RASSF6: variants seen among roughly 807,000 people sequenced by gnomAD.
The protein encoded by RASSF6 is Ras association domain family member 6.
Under a neutral mutation model 44.0 loss-of-function variants are expected in RASSF6, and 52 were observed. That is an observed-to-expected ratio of 1.18 (90% CI 0.95 to 1.49). RASSF6 has a LOEUF of 1.49. RASSF6 is among the 40% of genes most tolerant of loss of function. The pLI is 0.00. For missense variants in RASSF6, 464 were observed against 393.3 expected (o/e 1.18, Z -1.52); for synonymous variants, 162 against 124.6 (o/e 1.30, Z -2.00).
In RASSF6 at chr4:73,571,827, A is replaced by G. The variant is rs924011604; in HGVS notation, c.*4408T>C. ...AAAATTTAATTTGAGCTAATATATA[A>G]CTGACAATGAAATATTTGGACCACC... On this transcript the variant is annotated 3_prime_UTR_variant, in exon 11 of 11. Coordinates refer to ENST00000307439, the MANE Select transcript of RASSF6 (RefSeq NM_177532.5). 4 of 152,142 alleles carry G rather than the reference A, an allele frequency of 2.6e-5. No individual in the cohort carries two copies. The highest frequency in any genetic ancestry group is 9.6e-5 in the African/African-American group (4 of 41,454). 9.4% of individuals were successfully genotyped at this position (152,142 alleles called of 1,614,324 possible).
Position 73,571,991 on chromosome 4 carries a change from G to C in RASSF6, c.*4244C>G, listed in dbSNP as rs181813279. ...AACAAATTGCCCCAAATTTAGCGGC[G>C]TACTACAACAAACACTTCTTATCTC... On this transcript the variant is annotated 3_prime_UTR_variant, in exon 11 of 11. Transcript: ENST00000307439. 5 of 152,178 alleles carry C rather than the reference G, an allele frequency of 3.3e-5. No homozygotes were observed. In the East Asian group the frequency reaches 9.6e-4, roughly 29 times the overall value. 9.4% of individuals were successfully genotyped at this position (152,178 alleles called of 1,614,324 possible).
chr4:73,615,942 A>G, intron 1 of RASSF6: 2 of 1,549,866 alleles, frequency 1.3e-6, no homozygotes, highest in Non-Finnish European at 1.7e-6. Context: ...GAATTCTAGT[A>G]CAAATTAAAT....
At chr4:73,608,230 C>G (rs1198262911) in intron 2 of RASSF6, among the ~76,000 whole-genome samples, 1 of 151,620 alleles carries the variant, frequency 6.6e-6, no homozygotes, top group Non-Finnish European at 1.5e-5. Context: ...ATTGGATTTT[C>G]TCTGAGAACA....
chr4:73,571,906 A>G lies in RASSF6; in HGVS notation c.*4329T>C, dbSNP rs1034752074. On this transcript the variant is annotated 3_prime_UTR_variant, in exon 11 of 11. Transcript: ENST00000307439. Reference sequence around the variant, plus strand: ...AGTTTATATTCTTGCATTATGCAAAAATGATTCGAAAATAAACTATTTTTT... The same window carrying G: ...AGTTTATATTCTTGCATTATGCAAAGATGATTCGAAAATAAACTATTTTTT... The G allele has an allele frequency of 3.3e-5, 5 of 152,308 alleles. No individual in the cohort carries two copies. The highest frequency in any genetic ancestry group is 1.2e-4 in the African/African-American group (5 of 41,572). The allele number at this position is 152,308 out of a possible 1,614,324, so 9.4% of individuals were successfully genotyped here. A position where few individuals can be genotyped will look rare whatever the true frequency, so the allele number is the denominator to read the frequency against.
rs1723146944 is a variant in RASSF6, at chr4:73,575,437, A to G, written c.*798T>C. 1 of 152,180 alleles carries G rather than the reference A, an allele frequency of 6.6e-6. No homozygotes were observed. The allele number at this position is 152,180 out of a possible 1,614,324, so 9.4% of individuals were successfully genotyped here. On this transcript the variant is annotated 3_prime_UTR_variant, in exon 11 of 11. Transcript: ENST00000307439. ...CAGCCTTGCTTTATCCATTGTATTC[A>G]TTCAGCAACAAATAGGTATTTGTGG... is the stretch of plus-strand genomic sequence containing the variant.
In RASSF6 at chr4:73,573,678, T is replaced by C. The variant is rs1314366018; in HGVS notation, c.*2557A>G. On this transcript the variant is annotated 3_prime_UTR_variant, in exon 11 of 11. Transcript: ENST00000307439. ...CCCCATCTCATGGTGATTTATTGAG[T>C]ATTTAATGTTATCATTTCTTAATCT... The C allele has an allele frequency of 6.6e-6, 1 of 152,206 alleles. No individual in the cohort carries two copies. The highest frequency in any genetic ancestry group is 1.5e-5 in the Non-Finnish European group (1 of 68,032). The allele number at this position is 152,206 out of a possible 1,614,324, so 9.4% of individuals were successfully genotyped here. A position where few individuals can be genotyped will look rare whatever the true frequency, so the allele number is the denominator to read the frequency against.
chr4:73,611,790 AGT>A lies in RASSF6; in HGVS notation c.4_5del (p.Thr2TyrfsTer13). The A allele has an allele frequency of 6.2e-7, 1 of 1,611,504 alleles. No individual in the cohort carries two copies. Among genetic ancestry groups the A allele is most frequent in the Non-Finnish European group, 8.5e-7 (1 of 1,178,056 alleles). On this transcript the variant is annotated frameshift_variant, in exon 2 of 11. Transcript: ENST00000307439. LOFTEE classifies it high-confidence loss of function. The part of the protein sequence containing the change: M[T>X]MMAHQYPSWI... ...AAGAGGGGTACTGGTGAGCCATCAT[AGT>A]CATCTTTTCCTCCTTTTTGAGATGG...
Position 73,572,548 on chromosome 4 carries a change from A to C in RASSF6, c.*3687T>G, listed in dbSNP as rs1383256726. 6.6e-6 allele frequency: 1 copy of C among 152,188 alleles called. No homozygotes were observed. Among genetic ancestry groups the C allele is most frequent in the Non-Finnish European group, 1.5e-5 (1 of 68,036 alleles). The allele number at this position is 152,188 out of a possible 1,614,324, so 9.4% of individuals were successfully genotyped here. On this transcript the variant is annotated 3_prime_UTR_variant, in exon 11 of 11. Coordinates refer to ENST00000307439, the MANE Select transcript of RASSF6 (RefSeq NM_177532.5). Reference sequence around the variant, plus strand: ...ATTATTTGTCAATTAAAAATAAAATAAAAAGACGTAAGTCACTAAGTCCAG... The same window carrying C: ...ATTATTTGTCAATTAAAAATAAAATCAAAAGACGTAAGTCACTAAGTCCAG...
intron 2 of RASSF6, among the ~76,000 whole-genome samples, chr4:73,602,292 T>C (rs1438390830): frequency 6.6e-6 from 1 of 152,132 alleles, no homozygotes; most frequent in Non-Finnish European, 1.5e-5. Context: ...AAAGATAGAT[T>C]TCAGTACGAG....
intron 2 of RASSF6, among the ~76,000 whole-genome samples, chr4:73,611,186 G>T (rs917863618): frequency 6.6e-6 from 1 of 152,088 alleles, no homozygotes. Context: ...CTCTGCTGTA[G>T]CTTGGCCAGT....
intron 2 of RASSF6, among the ~76,000 whole-genome samples, chr4:73,606,212 C>T (rs935809183): frequency 7.9e-5 from 12 of 152,206 alleles, no homozygotes; most frequent in African/African-American, 2.9e-4. Context: ...GGTACATAGA[C>T]ACCATGGAAT....
intron 2 of RASSF6, chr4:73,604,703 C>T (rs908205044): frequency 6.6e-6 from 1 of 152,004 alleles, no homozygotes; most frequent in Non-Finnish European, 1.5e-5. Context: ...TTTCATATGT[C>T]AGGTTCAAAA....
chr4:73,589,004 T>C (rs574186209), intron 4 of RASSF6, among the ~76,000 whole-genome samples: 98 of 152,254 alleles, frequency 6.4e-4, no homozygotes, highest in African/African-American at 2.2e-3. Context: ...CCGAATTTCA[T>C]TGGTGGCAAC....
chr4:73,613,739 G>C (rs1474462692), intron 1 of RASSF6, among the ~76,000 whole-genome samples: 1 of 152,044 alleles, frequency 6.6e-6, no homozygotes, highest in Non-Finnish European at 1.5e-5. Context: ...TGATGCTTTT[G>C]AGACAAACCA....
intron 8 of RASSF6, among the ~76,000 whole-genome samples, chr4:73,580,965 TG>T (rs1723593961): frequency 6.6e-6 from 1 of 151,354 alleles, no homozygotes; most frequent in African/African-American, 2.4e-5. Context: ...ATGTCCTGAA[TG>T]GTAATGCCTA....
At chr4:73,620,555 A>C (rs377418171), upstream of RASSF6, 1 of 1,302,000 alleles carries the variant, frequency 7.7e-7, no homozygotes, top group Non-Finnish European at 1.0e-6. Context: ...CTGGAGCCCC[A>C]GGAGCTGTTA....
chr4:73,596,550 C>T (rs6837506), intron 3 of RASSF6, among the ~76,000 whole-genome samples: 95,670 of 152,044 alleles, frequency 0.63, 31,461 homozygotes, highest in East Asian at 0.88. Flanking sequence ...GCAATACTGC[C>T]CAAAGCAATT....
chr4:73,595,756 T>C (rs946351539), intron 3 of RASSF6, among the ~76,000 whole-genome samples: 2 of 152,196 alleles, frequency 1.3e-5, no homozygotes, highest in African/African-American at 2.4e-5. Context: ...AATTTAAAAT[T>C]AGGCCCACTT....
At chr4:73,592,758 A>G (rs1724646365) in intron 4 of RASSF6, among the ~76,000 whole-genome samples, 1 of 152,198 alleles carries the variant, frequency 6.6e-6, no homozygotes, top group South Asian at 2.1e-4. Context: ...AGGAAAGAAG[A>G]CATTTAGATT....
Sources: allele counts gnomAD v4.1 joint callset (sites outside exome capture counted in the v4.1 genomes callset), GRCh38; gene constraint gnomAD v4.1.1; transcripts MANE v1.5; gene names NCBI Gene and HGNC (gene_info 2026-07-23, HGNC 2026-07-21).